Variants in CHD3 observed in about 807,000 individuals in gnomAD.
CHD3 encodes chromodomain helicase DNA binding protein 3.
A neutral mutation model predicts 248.9 loss-of-function variants in CHD3; 52 were observed. That is an observed-to-expected ratio of 0.21 (90% CI 0.17 to 0.26). The LOEUF is 0.26. CHD3 is among the 10% of genes least tolerant of loss of function. CHD3 has a pLI of 1.00. For synonymous variants in CHD3, 985 were observed against 985.2 expected (o/e 1.00, Z 0.00); for missense variants, 1,482 against 2,605.8 (o/e 0.57, Z 9.39).
chr17:7,893,626 A>G lies in CHD3; in HGVS notation c.793+57A>G, dbSNP rs1969209649. ...CACCTTCCAAACTGCATGTCTTCAC[A>G]TTAGAGTCTGGAACTCTCGCCTTCC... On this transcript the variant is annotated intron_variant, in intron 5 of 39. Transcript: ENST00000330494. 1.1e-5 allele frequency: 17 copies of G among 1,533,652 alleles called. No individual in the cohort carries two copies. In the South Asian group the frequency reaches 2.1e-4, roughly 19 times the overall value.
chr17:7,900,165 C>G lies in CHD3; in HGVS notation c.2683-125C>G. 2 of 1,528,712 alleles carry G rather than the reference C, an allele frequency of 1.3e-6. No homozygotes were observed. Among genetic ancestry groups the G allele is most frequent in the Non-Finnish European group, 1.8e-6 (2 of 1,125,864 alleles). The allele number at this position is 1,528,712 out of a possible 1,614,324, so 94.7% of individuals were successfully genotyped here. ...CGTCCAGGTTGGAAGAGGGAGAGGG[C>G]CAGAGATTTGGGGCCTCTGATCCTG... On this transcript the variant is annotated intron_variant, in intron 16 of 39. Transcript: ENST00000330494. The surrounding 1 kb of genome is among the most constrained non-coding windows in gnomAD (Gnocchi z 6.5).
rs371864899 is a variant in CHD3 at position 7,911,531 on chromosome 17, C to T, written c.5949C>T (p.Asp1983=). Residue 1983 remains aspartate (D), a synonymous_variant, in exon 40 of 40, where the codon GAC becomes GAT. Coordinates refer to ENST00000330494, the MANE Select transcript of CHD3 (RefSeq NM_001005273.3). The surrounding 1 kb of genome is among the most constrained non-coding windows in gnomAD (Gnocchi z 5.4). ...EKEMVGALVS[D]GLDRKEPRAG... ...AAATGGTGGGGGCATTGGTGTCAGA[C>T]GGGCTGGATCGGAAGGAGCCCCGAG... The T allele has an allele frequency of 4.0e-5, 64 of 1,614,074 alleles. No individual in the cohort carries two copies. Among genetic ancestry groups the T allele is most frequent in the Non-Finnish European group, 4.9e-5 (58 of 1,180,030 alleles).
chr17:7,889,649 CT>C lies in CHD3; in HGVS notation c.101-10del. 2 of 1,603,902 alleles carry C rather than the reference CT, an allele frequency of 1.2e-6. No individual in the cohort carries two copies. Among genetic ancestry groups the C allele is most frequent in the Non-Finnish European group, 1.7e-6 (2 of 1,174,132 alleles). Reference sequence around the variant, plus strand: ...ACCTAGAGGCTTAGGTTTTCTGATGCTTTTTGCTTCAAAGATAAGGATGACA... The same window carrying C: ...ACCTAGAGGCTTAGGTTTTCTGATGCTTTTGCTTCAAAGATAAGGATGACA... On this transcript the variant is annotated splice_polypyrimidine_tract_variant and intron_variant, in intron 1 of 39. Transcript: ENST00000330494. The surrounding 1 kb of genome is among the most constrained non-coding windows in gnomAD (Gnocchi z 4.5).
At chr17:7,891,443 T>C (rs1968844058) in intron 4 of CHD3, among the ~76,000 whole-genome samples, 1 of 152,220 alleles carries the variant, frequency 6.6e-6, no homozygotes, top group South Asian at 2.1e-4. Flanking sequence ...TGAACTTCCT[T>C]AGCTCACTTA....
intron 4 of CHD3, among the ~76,000 whole-genome samples, chr17:7,893,037 C>T (rs1350147560): frequency 1.3e-5 from 2 of 152,150 alleles, no homozygotes; most frequent in African/African-American, 4.8e-5. Context: ...CTGCTTCAGC[C>T]TGGAATTACA....
chr17:7,907,912 G>C lies in CHD3; in HGVS notation c.5045G>C (p.Arg1682Pro). 2 of 1,612,356 alleles carry C rather than the reference G, an allele frequency of 1.2e-6. No homozygotes were observed. The highest frequency in any genetic ancestry group is 1.7e-6 in the Non-Finnish European group (2 of 1,178,836). Reference sequence around the variant, plus strand: ...CTAGCAGAAGATGTAAAAGGTGACCGGGAGCTTCGACCAGGGCCTCGAGAT... The same window carrying C: ...CTAGCAGAAGATGTAAAAGGTGACCCGGAGCTTCGACCAGGGCCTCGAGAT... ...LGKREDVKGD[R>P]ELRPGPRDEP... Residue 1682 changes from arginine to proline, a missense_variant, in exon 34 of 40, where the codon CGG becomes CCG. Transcript: ENST00000330494. The surrounding 1 kb of genome is among the most constrained non-coding windows in gnomAD (Gnocchi z 4.3).
upstream of CHD3, among the ~76,000 whole-genome samples, chr17:7,888,211 G>C (rs926198388): frequency 6.6e-6 from 1 of 152,194 alleles, no homozygotes; most frequent in African/African-American, 2.4e-5. Flanking sequence ...CACGCACACA[G>C]TCCTAGAGTG....
Position 7,903,051 on chromosome 17 carries a change from A to G in CHD3, c.3485A>G (p.Asn1162Ser). The change falls in exon 22 of 40, where the codon AAT (asparagine) becomes AGT (serine). Residue 1162 changes from asparagine to serine, a missense_variant. This residue lies in a region of CHD3 where 6 missense variants were observed against 77.2 expected (regional missense o/e 0.08). Coordinates refer to ENST00000330494, the MANE Select transcript of CHD3 (RefSeq NM_001005273.3). This position sits in a 1 kb window ranked among gnomAD's most constrained non-coding sequence, Gnocchi z 6.8. ...IIFDSDWNPHNDIQAFSRAHR... is the reference protein window; with the variant it reads ...IIFDSDWNPHSDIQAFSRAHR... ...TTTGATTCTGACTGGAACCCCCATA[A>G]TGACATCCAGGTGGGAACTCGCATC... 6.2e-7 allele frequency: 1 copy of G among 1,613,602 alleles called. No individual in the cohort carries two copies.
At position 7,898,151 on chromosome 17, in the gene CHD3, G is replaced by A. The variant is rs371646549; in HGVS notation, c.2051+49G>A. On this transcript the variant is annotated intron_variant, in intron 12 of 39. Coordinates refer to ENST00000330494, the MANE Select transcript of CHD3 (RefSeq NM_001005273.3). ...CAAGGGATTCTGACGATGAGGGCATGAAAGCCAAAACTCCAGCATAAAATG... is the reference window on the plus strand; with the variant it reads ...CAAGGGATTCTGACGATGAGGGCATAAAAGCCAAAACTCCAGCATAAAATG... 10 of 1,602,330 alleles carry A rather than the reference G, an allele frequency of 6.2e-6. No homozygotes were observed. The African/African-American group carries it at 1.3e-4, about 22-fold the overall frequency.
rs1971167251 is a variant in CHD3, at chr17:7,907,743, C to A, written c.5026+41C>A. ...GACCGGACACCTGGGTCCCAGAGGG[C>A]ATCAGGGGAGGTGGAGTCTGGGGAA... On this transcript the variant is annotated intron_variant, in intron 33 of 39. Transcript: ENST00000330494. This position sits in a 1 kb window ranked among gnomAD's most constrained non-coding sequence, Gnocchi z 4.3. 1 of 1,509,186 alleles carries A rather than the reference C, an allele frequency of 6.6e-7. No individual in the cohort carries two copies. Among genetic ancestry groups the A allele is most frequent in the African/African-American group, 1.4e-5 (1 of 70,720 alleles). 93.5% of individuals were successfully genotyped at this position (1,509,186 alleles called of 1,614,324 possible).
intron 4 of CHD3, among the ~76,000 whole-genome samples, chr17:7,891,919 T>G (rs1348232919): frequency 9.9e-5 from 15 of 152,136 alleles, no homozygotes. Context: ...AGAAGGCACT[T>G]TAACATATCA....
Position 7,894,363 on chromosome 17 carries a change from C to T in CHD3, c.1076-52C>T, listed in dbSNP as rs561272668. ...CTCTTCAACCCTTCTCCCTCTCTCTCTCCATCTCCCCCTGCCCTGCTTCCT... is the reference window on the plus strand; with the variant it reads ...CTCTTCAACCCTTCTCCCTCTCTCTTTCCATCTCCCCCTGCCCTGCTTCCT... On this transcript the variant is annotated intron_variant, in intron 7 of 39. Transcript: ENST00000330494. The T allele has an allele frequency of 3.1e-6, 5 of 1,589,928 alleles. No individual in the cohort carries two copies. In the Admixed American group the frequency reaches 5.1e-5, roughly 16 times the overall value.
In CHD3 at chr17:7,907,318, C is replaced by A. The variant is rs753265805; in HGVS notation, c.4789-35C>A. 1 of 1,611,400 alleles carries A rather than the reference C, an allele frequency of 6.2e-7. No homozygotes were observed. The highest frequency in any genetic ancestry group is 8.5e-7 in the Non-Finnish European group (1 of 1,178,578). ...CTTGGAGGCCAGGTACCTGGGAGCCCTCTGGCTCATCCTGACCCCATTGTC... is the reference window on the plus strand; with the variant it reads ...CTTGGAGGCCAGGTACCTGGGAGCCATCTGGCTCATCCTGACCCCATTGTC... On this transcript the variant is annotated intron_variant, in intron 31 of 39. Coordinates refer to ENST00000330494, the MANE Select transcript of CHD3 (RefSeq NM_001005273.3). The surrounding 1 kb of genome is among the most constrained non-coding windows in gnomAD (Gnocchi z 4.3).
At chr17:7,898,405 G>A (rs1404139138) in intron 12 of CHD3, 91 bp from the exon 13 acceptor site, 1 of 975,658 alleles carries the variant, frequency 1.0e-6, no homozygotes, top group African/African-American at 1.6e-5. Flanking sequence ...TCTAGGTCAT[G>A]GACAGTGGGA....
In CHD3 at chr17:7,894,425, T is replaced by C. The variant is rs1969362183; in HGVS notation, c.1086T>C (p.Cys362=). 6.2e-7 allele frequency: 1 copy of C among 1,612,968 alleles called. No individual in the cohort carries two copies. The highest frequency in any genetic ancestry group is 8.5e-7 in the Non-Finnish European group (1 of 1,179,336). Residue 362 remains cysteine (C), a synonymous_variant, in exon 8 of 40, where the codon TGT becomes TGC. Transcript: ENST00000330494. ...CGGGGTATATGACAGTCCTGGGCTGTCCTGCAGTGGCCGGGGAGGAGGAGG... is the reference window on the plus strand; with the variant it reads ...CGGGGTATATGACAGTCCTGGGCTGCCCTGCAGTGGCCGGGGAGGAGGAGG... ...PGRKKKKVLG[C]PAVAGEEEVD...
At chr17:7,894,666 C>T in intron 8 of CHD3, 58 bp downstream of exon 8, 1 of 1,538,152 alleles carries the variant, frequency 6.5e-7, no homozygotes, top group Non-Finnish European at 8.9e-7. Context: ...CTCTTTCCCC[C>T]TTGGTTTCAC....
chr17:7,892,494 C>T (rs1415402180), intron 4 of CHD3, among the ~76,000 whole-genome samples: 5 of 138,938 alleles, frequency 3.6e-5, no homozygotes, highest in African/African-American at 1.0e-4. Context: ...TTTTTATTTC[C>T]CCTTTTTTTT....
chr17:7,890,969 G>C lies in CHD3; in HGVS notation c.414G>C (p.Leu138=). ...KQVEQKSSAT[L]LLTWGLEDVE... is the part of the protein sequence containing the mutation. Reference sequence around the variant, plus strand: ...TGGAACAGAAGTCATCAGCAACTCTGCTTCTGACCTGGGGCCTGGAGGATG... The same window carrying C: ...TGGAACAGAAGTCATCAGCAACTCTCCTTCTGACCTGGGGCCTGGAGGATG... Residue 138 remains leucine, a synonymous_variant, in exon 4 of 40, where the codon CTG becomes CTC. Transcript: ENST00000330494. The C allele has an allele frequency of 6.2e-7, 1 of 1,614,160 alleles. No homozygotes were observed. Among genetic ancestry groups the C allele is most frequent in the Non-Finnish European group, 8.5e-7 (1 of 1,180,042 alleles).
rs867251299 is a variant in CHD3, at chr17:7,890,711, GA to G, written c.359del (p.Lys120ArgfsTer21). The G allele has an allele frequency of 5.1e-6, 8 of 1,578,910 alleles. No individual in the cohort carries two copies. Among genetic ancestry groups the G allele is most frequent in the Admixed American group, 3.8e-5 (2 of 52,974 alleles). On this transcript the variant is annotated frameshift_variant, in exon 3 of 40. Transcript: ENST00000330494. LOFTEE classifies it high-confidence loss of function. ...EKKEKKTKRR[K>X]KGEGDGGQKQ... ...AAAAGGAGAAGAAGACAAAGCGGCG[GA>G]AAAAGGGGGAGGGAGATGGGGGGCA...
Sources: gnomAD v4.1 joint callset for allele counts (sites outside exome capture counted in the v4.1 genomes callset) on GRCh38, gnomAD v4.1.1 for gene constraint, gnomAD v4.1.1 regional missense constraint, Gnocchi (gnomAD v3.1) non-coding constraint, MANE v1.5 for transcripts, NCBI Gene and HGNC (gene_info 2026-07-23, HGNC 2026-07-21) for gene names.